The following BCAS3 variants were observed in gnomAD, a reference collection of about 807,000 sequenced individuals.
BCAS3 encodes BCAS4/BCAS3 fusion.
Under a neutral mutation model 116.1 loss-of-function variants are expected in BCAS3, and 53 were observed. That is an observed-to-expected ratio of 0.46 (90% CI 0.37 to 0.57). BCAS3 has a LOEUF of 0.57. Ranked by LOEUF, BCAS3 falls within the 20% of genes least tolerant of loss-of-function variation. BCAS3 has a pLI of 0.00. For synonymous variants in BCAS3, 391 were observed against 408.2 expected (o/e 0.96, Z 0.51); for missense variants, 917 against 1,165.4 (o/e 0.79, Z 3.10).
chr17:60,780,964 TCTTTTTTGC>T (rs2045773174), intron 6 of BCAS3, among the ~76,000 whole-genome samples: 2 of 152,088 alleles, frequency 1.3e-5, no homozygotes, highest in African/African-American at 4.8e-5. Context: ...TTATTTTTTG[TCTTTTTTGC>T]CATCTTTTTT....
At chr17:60,878,672 G>A (rs1041878632) in intron 9 of BCAS3, among the ~76,000 whole-genome samples, 2 of 152,092 alleles carry the variant, frequency 1.3e-5, no homozygotes, top group Non-Finnish European at 2.9e-5. Context: ...TAGTGGTAAT[G>A]TATTTTATTT....
intron 22 of BCAS3, among the ~76,000 whole-genome samples, chr17:61,283,081 T>G (rs944398841): frequency 6.6e-6 from 1 of 151,704 alleles, no homozygotes; most frequent in Non-Finnish European, 1.5e-5. Context: ...AGTTGTGTTG[T>G]TTTTTTTGCT....
At chr17:60,725,735 C>G (rs1235425374) in intron 5 of BCAS3, among the ~76,000 whole-genome samples, 1 of 152,144 alleles carries the variant, frequency 6.6e-6, no homozygotes, top group Non-Finnish European at 1.5e-5. Context: ...ATCAGTAGTG[C>G]TGAGGTTGAA....
chr17:61,025,487 C>T (rs2066174264), intron 16 of BCAS3, among the ~76,000 whole-genome samples: 2 of 151,976 alleles, frequency 1.3e-5, no homozygotes, highest in Admixed American at 1.3e-4. Flanking sequence ...AAAATAGTAA[C>T]ATTTATTACA....
chr17:61,099,650 A>G (rs1568351429), intron 22 of BCAS3, among the ~76,000 whole-genome samples: 1 of 152,230 alleles, frequency 6.6e-6, no homozygotes, highest in South Asian at 2.1e-4. Context: ...CTTTCGTTCT[A>G]TTAGGCTTAG....
chr17:61,266,711 C>G (rs1010112342), intron 22 of BCAS3, among the ~76,000 whole-genome samples: 2 of 152,188 alleles, frequency 1.3e-5, no homozygotes, highest in African/African-American at 4.8e-5. Context: ...ACTCACAGCC[C>G]TTTGCACCTT....
intron 19 of BCAS3, among the ~76,000 whole-genome samples, chr17:61,045,855 A>C (rs1220957410): frequency 0.39 from 1,150 of 2,946 alleles, 66 homozygotes; most frequent in Non-Finnish European, 0.46. Context: ...CTCTCTATAT[A>C]TATATATATA....
At chr17:60,704,778 C>T (rs2036891566) in intron 4 of BCAS3, among the ~76,000 whole-genome samples, 1 of 151,004 alleles carries the variant, frequency 6.6e-6, no homozygotes, top group Non-Finnish European at 1.5e-5. Context: ...GCAGAGGTTA[C>T]AGTTAGCTGA....
intron 14 of BCAS3, among the ~76,000 whole-genome samples, chr17:60,974,737 C>A (rs964225294): frequency 6.6e-6 from 1 of 152,040 alleles, no homozygotes; most frequent in Middle Eastern, 3.2e-3. Flanking sequence ...ATTTGCAAAA[C>A]ATTTAATTAA....
chr17:61,193,495 C>T (rs1185521708), intron 22 of BCAS3, among the ~76,000 whole-genome samples: 3 of 151,544 alleles, frequency 2.0e-5, no homozygotes, highest in South Asian at 2.1e-4. Flanking sequence ...CGGTGGCTCA[C>T]GCCTGTAATC....
chr17:60,772,672 G>A (rs1052105474), intron 6 of BCAS3, among the ~76,000 whole-genome samples: 3 of 152,160 alleles, frequency 2.0e-5, no homozygotes, highest in Admixed American at 6.5e-5. Flanking sequence ...TCGAGGTCAG[G>A]AGTTCGAGAC....
rs936095121 is a variant in BCAS3 at position 60,890,419 on chromosome 17, A to C, written c.738+648A>C. Among the ~76,000 whole-genome samples the C allele has an allele frequency of 3.9e-5, 6 of 151,946 alleles. No individual in the cohort carries two copies. In the South Asian group the frequency reaches 1.2e-3, roughly 32 times the overall value. On this transcript the variant is annotated intron_variant, in intron 10 of 23. Transcript: ENST00000407086. The stretch of plus-strand genomic sequence containing the variant: ...TGGTGAGCTGAGATCGCACCACTGC[A>C]CTCCGTCTGGGCAACAGAGTGAGAC...
chr17:61,334,408 T>C (rs1262632497), intron 22 of BCAS3, among the ~76,000 whole-genome samples: 4 of 152,176 alleles, frequency 2.6e-5, no homozygotes, highest in Non-Finnish European at 5.9e-5. Flanking sequence ...GGCTCACGCC[T>C]GTAATCCCAG....
chr17:60,773,956 T>C (rs368251587), intron 6 of BCAS3, among the ~76,000 whole-genome samples: 7 of 152,370 alleles, frequency 4.6e-5, no homozygotes, highest in East Asian at 3.9e-4. Context: ...CTTACTGTTA[T>C]GTTCGTTGTG....
chr17:60,911,119 C>CTTTTTTTTTTTTTTTT (rs1567849303), intron 12 of BCAS3, among the ~76,000 whole-genome samples: 4 of 35,300 alleles, frequency 1.1e-4, no homozygotes, highest in African/African-American at 3.4e-4. Flanking sequence ...TTCTTTTTTT[C>CTTTTTTTTTTTTTTTT]TTTCTTTTTT....
chr17:61,361,575 TATATA>T lies in BCAS3; in HGVS notation c.2426-6746_2426-6742del, dbSNP rs1481359142. The T allele has an allele frequency of 6.6e-6, 1 of 152,128 alleles. No individual in the cohort carries two copies. The highest frequency in any genetic ancestry group is 1.9e-4 in the East Asian group (1 of 5,176). The allele number at this position is 152,128 out of a possible 1,614,324, so 9.4% of individuals were successfully genotyped here. On this transcript the variant is annotated intron_variant, in intron 22 of 23. Transcript: ENST00000407086. The surrounding 1 kb of genome is among the most constrained non-coding windows in gnomAD (Gnocchi z 6.5). ...TATAATATATAATATAGCTGTGGTA[TATATA>T]ATATATCTGTGGACACATCTGATGG...
rs1460723737 is a variant in BCAS3, at chr17:61,276,600, C to T, written c.2426-91727C>T. On this transcript the variant is annotated intron_variant, in intron 22 of 23. Transcript: ENST00000407086. This position sits in a 1 kb window ranked among gnomAD's most constrained non-coding sequence, Gnocchi z 4.2. ...TCAGAAGACAAAATTGTTAAGACGG[C>T]AGTGCTCCCCAAATTGATCTACAGA... Among the ~76,000 whole-genome samples, 1 of 152,144 alleles carries T rather than the reference C, an allele frequency of 6.6e-6. No homozygotes were observed. The highest frequency in any genetic ancestry group is 1.5e-5 in the Non-Finnish European group (1 of 68,028).
At chr17:60,935,266 G>A (rs2059859247) in intron 13 of BCAS3, among the ~76,000 whole-genome samples, 1 of 152,046 alleles carries the variant, frequency 6.6e-6, no homozygotes, top group East Asian at 1.9e-4. Context: ...AATTAGAATT[G>A]AGAATTAATA....
intron 4 of BCAS3, among the ~76,000 whole-genome samples, chr17:60,692,999 A>G (rs1420504009): frequency 6.6e-6 from 1 of 151,932 alleles, no homozygotes; most frequent in East Asian, 1.9e-4. Flanking sequence ...CAATTTCCCA[A>G]GGAGAATCGC....
Sources: allele counts gnomAD v4.1 joint callset (sites outside exome capture counted in the v4.1 genomes callset), GRCh38; gene constraint gnomAD v4.1.1; non-coding constraint Gnocchi (gnomAD v3.1); transcripts MANE v1.5; gene names NCBI Gene and HGNC (gene_info 2026-07-23, HGNC 2026-07-21).